The following KCNMA1 variants were observed in gnomAD, a reference collection of about 807,000 sequenced individuals.
KCNMA1 encodes the protein Calcium-activated potassium channel subunit alpha-1.
A neutral mutation model predicts 140.0 loss-of-function variants in KCNMA1; 29 were observed. The ratio of observed to expected loss-of-function variants is 0.21; its 90% confidence interval spans 0.15 to 0.28. The LOEUF is 0.28. Ranked by LOEUF, KCNMA1 falls within the 10% of genes least tolerant of loss-of-function variation. KCNMA1 has a pLI of 1.00. For synonymous variants in KCNMA1, 612 were observed against 611.9 expected (o/e 1.00, Z 0.00); for missense variants, 880 against 1,602.2 (o/e 0.55, Z 7.70).
At chr10:77,291,479 G>A (rs930526258) in intron 2 of KCNMA1, among the ~76,000 whole-genome samples, 5 of 152,130 alleles carry the variant, frequency 3.3e-5, no homozygotes, top group African/African-American at 7.2e-5. Context: ...AGTTTAGGCA[G>A]ACTACAATTT....
In KCNMA1 at chr10:77,637,740, T is replaced by TGCCGCC. The variant is rs781056387; in HGVS notation, c.-104_-99dup. 142 of 1,300,620 alleles carry TGCCGCC rather than the reference T, an allele frequency of 1.1e-4. No homozygotes were observed. The highest frequency in any genetic ancestry group is 2.8e-4 in the Middle Eastern group (1 of 3,518). 80.6% of individuals were successfully genotyped at this position (1,300,620 alleles called of 1,614,324 possible). ...TCAACAGCCATATTGCTGCTACTGC[T>TGCCGCC]GCCGCCGCCGCCGCCGCCGCGGAGC... On this transcript the variant is annotated 5_prime_UTR_variant, in exon 1 of 28. Coordinates refer to ENST00000286628, the MANE Select transcript of KCNMA1 (RefSeq NM_001161352.2).
chr10:76,874,694 T>C (rs1360764685), downstream of KCNMA1: 3 of 152,320 alleles, frequency 2.0e-5, no homozygotes, highest in African/African-American at 7.2e-5. Context: ...ACAAAGTACA[T>C]CATAAGGTGC....
At chr10:77,262,580 G>A (rs996000874) in intron 2 of KCNMA1, among the ~76,000 whole-genome samples, 1 of 152,012 alleles carries the variant, frequency 6.6e-6, no homozygotes, top group Admixed American at 6.6e-5. Flanking sequence ...AGGCGTTTTG[G>A]TCATGGGGGT....
intron 23 of KCNMA1, among the ~76,000 whole-genome samples, chr10:76,931,834 T>C (rs1473208995): frequency 1.3e-5 from 2 of 152,182 alleles, no homozygotes; most frequent in African/African-American, 2.4e-5. Context: ...CCTGGTCTGC[T>C]CACCTTCCAA....
At chr10:77,227,537 C>A (rs945494716) in intron 3 of KCNMA1, among the ~76,000 whole-genome samples, 8 of 152,106 alleles carry the variant, frequency 5.3e-5, no homozygotes, top group African/African-American at 1.9e-4. Context: ...ATTATTATAC[C>A]AATCTTAACT....
intron 1 of KCNMA1, among the ~76,000 whole-genome samples, chr10:77,520,642 TCAGCCAATATCCAG>T (rs1435425029): frequency 6.6e-6 from 1 of 152,062 alleles, no homozygotes; most frequent in Non-Finnish European, 1.5e-5. Context: ...CTACCATCCA[TCAGCCAATATCCAG>T]CAGCCACCCC....
rs548908695 is a variant in KCNMA1 at position 76,999,564 on chromosome 10, C to G, written c.2266+1843G>C. On this transcript the variant is annotated intron_variant, in intron 19 of 27. Coordinates refer to ENST00000286628, the MANE Select transcript of KCNMA1 (RefSeq NM_001161352.2). ...TATCTTTGAACTTGGTGTCTTGCTG[C>G]ACATCGTAGACAGACAAGTTCTCTG... Among the ~76,000 whole-genome samples the G allele has an allele frequency of 4.6e-5, 7 of 152,312 alleles. No homozygotes were observed. The South Asian group carries it at 1.5e-3, about 32-fold the overall frequency.
intron 1 of KCNMA1, among the ~76,000 whole-genome samples, chr10:77,629,510 C>T (rs2092934459): frequency 6.6e-6 from 1 of 152,206 alleles, no homozygotes; most frequent in Non-Finnish European, 1.5e-5. Context: ...CCAACCAATG[C>T]ATTCTCGTTC....
intron 3 of KCNMA1, among the ~76,000 whole-genome samples, chr10:77,233,877 C>T (rs2054494718): frequency 6.6e-6 from 1 of 152,146 alleles, no homozygotes; most frequent in Non-Finnish European, 1.5e-5. Flanking sequence ...GTTAGCCCCA[C>T]TTTGTTCAGT....
At chr10:77,187,844 G>T (rs995297139) in intron 3 of KCNMA1, among the ~76,000 whole-genome samples, 2 of 152,092 alleles carry the variant, frequency 1.3e-5, no homozygotes, top group African/African-American at 4.8e-5. Context: ...AGTCCTCTGA[G>T]TGCCTGTAGT....
intron 2 of KCNMA1, among the ~76,000 whole-genome samples, chr10:77,333,210 C>T (rs2087213616): frequency 6.6e-6 from 1 of 151,968 alleles, no homozygotes; most frequent in African/African-American, 2.4e-5. Context: ...CCTATTGTCT[C>T]CTCTATTTTT....
At chr10:77,244,647 G>T (rs1353151034) in intron 3 of KCNMA1, among the ~76,000 whole-genome samples, 2 of 152,188 alleles carry the variant, frequency 1.3e-5, no homozygotes, top group African/African-American at 4.8e-5. Flanking sequence ...AGTTGACTCT[G>T]TTCCTTGGCA....
chr10:77,082,914 C>G (rs2096612270), intron 12 of KCNMA1, among the ~76,000 whole-genome samples: 1 of 152,188 alleles, frequency 6.6e-6, no homozygotes, highest in Non-Finnish European at 1.5e-5. Context: ...ACTGGCTCCT[C>G]TGAAATGCAC....
chr10:77,355,298 T>A (rs1188179066), intron 2 of KCNMA1: 1 of 153,634 alleles, frequency 6.5e-6, no homozygotes, highest in East Asian at 1.9e-4. Flanking sequence ...GAAAACGGAC[T>A]AATATAGCAT....
At chr10:77,183,193 T>C (rs1033348818) in intron 5 of KCNMA1, among the ~76,000 whole-genome samples, 4 of 152,188 alleles carry the variant, frequency 2.6e-5, no homozygotes, top group African/African-American at 9.7e-5. Context: ...CACTAGGCTT[T>C]GACAATGATA....
intron 19 of KCNMA1, chr10:76,971,010 C>G (rs1565276102): frequency 6.6e-6 from 1 of 152,172 alleles, no homozygotes; most frequent in Non-Finnish European, 1.5e-5. Flanking sequence ...CATCATGCTT[C>G]TTTTTAAGAG....
intron 1 of KCNMA1, among the ~76,000 whole-genome samples, chr10:77,470,301 A>C (rs1414554225): frequency 6.6e-6 from 1 of 152,140 alleles, no homozygotes; most frequent in Non-Finnish European, 1.5e-5. Context: ...CCACAGATGT[A>C]ATGGAGACTC....
At chr10:77,248,450 A>T (rs2059038983) in intron 3 of KCNMA1, among the ~76,000 whole-genome samples, 1 of 152,218 alleles carries the variant, frequency 6.6e-6, no homozygotes, top group South Asian at 2.1e-4. Flanking sequence ...GAAAGCCTAT[A>T]GACTGTCCCC....
At chr10:77,391,242 A>C (rs2095809322) in intron 2 of KCNMA1, among the ~76,000 whole-genome samples, 1 of 152,150 alleles carries the variant, frequency 6.6e-6, no homozygotes, top group Non-Finnish European at 1.5e-5. Flanking sequence ...GACGTGGTGC[A>C]AACAGGTTTA....
Sources: gnomAD v4.1 joint callset for allele counts (sites outside exome capture counted in the v4.1 genomes callset) on GRCh38, gnomAD v4.1.1 for gene constraint, MANE v1.5 for transcripts, NCBI Gene and HGNC (gene_info 2026-07-23, HGNC 2026-07-21) for gene names.